Variants in MLPH observed in about 807,000 individuals in gnomAD.
The protein encoded by MLPH is melanophilin.
A neutral mutation model predicts 72.1 loss-of-function variants in MLPH; 51 were observed. That is an observed-to-expected ratio of 0.71 (90% CI 0.56 to 0.89). The LOEUF (loss-of-function observed/expected upper bound fraction) is 0.89, where lower values mean the gene tolerates loss of function less well. MLPH is among the 40% of genes least tolerant of loss of function. The pLI is 0.00. For missense variants in MLPH, 743 were observed against 759.9 expected (o/e 0.98, Z 0.26); for synonymous variants, 301 against 310.1 (o/e 0.97, Z 0.31).
chr2:237,548,224 G>A (rs1413448571), intron 13 of MLPH, among the ~76,000 whole-genome samples: 1 of 152,212 alleles, frequency 6.6e-6, no homozygotes, highest in African/African-American at 2.4e-5. Flanking sequence ...TGGTGGGGGC[G>A]CTTCCACCTT....
chr2:237,539,296 C>G (rs1219333701), intron 9 of MLPH, among the ~76,000 whole-genome samples: 1 of 152,110 alleles, frequency 6.6e-6, no homozygotes. Flanking sequence ...GAAGGTGGTG[C>G]AAGGCAGACC....
intron 5 of MLPH, among the ~76,000 whole-genome samples, chr2:237,518,928 G>A (rs1489674321): frequency 6.6e-6 from 1 of 152,168 alleles, no homozygotes; most frequent in Non-Finnish European, 1.5e-5. Context: ...GGGGGCACAC[G>A]GGTGTAGTGA....
intron 4 of MLPH, among the ~76,000 whole-genome samples, chr2:237,516,040 A>G (rs1252681462): frequency 2.0e-5 from 3 of 152,196 alleles, no homozygotes; most frequent in Non-Finnish European, 4.4e-5. Context: ...TGCAGTTGAC[A>G]ATGCACACTC....
chr2:237,542,606 G>A lies in MLPH; in HGVS notation c.1486G>A (p.Ala496Thr), dbSNP rs368855517. 25 of 1,602,762 alleles carry A rather than the reference G, an allele frequency of 1.6e-5. No individual in the cohort carries two copies. Among genetic ancestry groups the A allele is most frequent in the South Asian group, 3.4e-5 (3 of 88,984 alleles). Residue 496 changes from alanine (A) to threonine (T), a missense_variant, in exon 12 of 16, where the codon GCA becomes ACA. Ala to Thr is a moderately conservative substitution (Grantham distance 58, BLOSUM62 0). Coordinates refer to ENST00000264605, the MANE Select transcript of MLPH (RefSeq NM_024101.7). ...IESRIAALRAAGLTVKPSGKP... is the reference protein window; with the variant it reads ...IESRIAALRATGLTVKPSGKP... Reference sequence around the variant, plus strand: ...ATCCAGGATTGCAGCCCTGAGGGCCGCAGGGCTCACGGTGAAGCCCTCGGG... The same window carrying A: ...ATCCAGGATTGCAGCCCTGAGGGCCACAGGGCTCACGGTGAAGCCCTCGGG...
intron 8 of MLPH, among the ~76,000 whole-genome samples, chr2:237,529,255 CT>C (rs1170082831): frequency 6.6e-6 from 1 of 152,144 alleles, no homozygotes; most frequent in Non-Finnish European, 1.5e-5. Context: ...GCTGACCAGT[CT>C]GGTCTTGAAC....
At chr2:237,503,541 T>C (rs1407865214) in intron 2 of MLPH, among the ~76,000 whole-genome samples, 1 of 152,154 alleles carries the variant, frequency 6.6e-6, no homozygotes, top group Non-Finnish European at 1.5e-5. Context: ...TGCCAGCCGT[T>C]AGCCCTGACG....
chr2:237,553,409 A>G (rs1006136946), intron 15 of MLPH, among the ~76,000 whole-genome samples, 157 bp from the exon 16 acceptor site: 1 of 152,206 alleles, frequency 6.6e-6, no homozygotes, highest in Non-Finnish European at 1.5e-5. Flanking sequence ...CTTGCCTCAC[A>G]TGCATGTGTG....
chr2:237,541,975 G>T lies in MLPH; in HGVS notation c.1447-592G>T, dbSNP rs1251449953. ...GCAGCCCGTGCCAAGGCCCTGGGGTGGCAGTGGGCTTGGTGCCTGCAGGGA... is the reference window on the plus strand; with the variant it reads ...GCAGCCCGTGCCAAGGCCCTGGGGTTGCAGTGGGCTTGGTGCCTGCAGGGA... On this transcript the variant is annotated intron_variant, in intron 11 of 15. Transcript: ENST00000264605. This position sits in a 1 kb window ranked among gnomAD's most constrained non-coding sequence, Gnocchi z 5.1. 1.3e-5 allele frequency among the ~76,000 whole-genome samples: 2 copies of T among 152,208 alleles called. No individual in the cohort carries two copies. Among genetic ancestry groups the T allele is most frequent in the African/African-American group, 4.8e-5 (2 of 41,454 alleles).
At chr2:237,515,255 C>T (rs1192447479) in intron 4 of MLPH, among the ~76,000 whole-genome samples, 3 of 152,198 alleles carry the variant, frequency 2.0e-5, no homozygotes, top group Non-Finnish European at 4.4e-5. Flanking sequence ...AGGTCTCCAT[C>T]TCGCAGGAGG....
At chr2:237,517,088 G>A (rs1396411183) in intron 4 of MLPH, among the ~76,000 whole-genome samples, 1 of 151,664 alleles carries the variant, frequency 6.6e-6, no homozygotes, top group Non-Finnish European at 1.5e-5. Flanking sequence ...TGGATGGGTG[G>A]ATAGATGGAT....
chr2:237,518,466 G>A lies in MLPH; in HGVS notation c.446-73G>A, dbSNP rs775395584. 11 of 1,230,736 alleles carry A rather than the reference G, an allele frequency of 8.9e-6. No homozygotes were observed. The East Asian group carries it at 2.5e-4, about 28-fold the overall frequency. The allele number at this position is 1,230,736 out of a possible 1,614,324, so 76.2% of individuals were successfully genotyped here. ...GATGGATAGATTAGTGGATGGATGG[G>A]TGGATGGGCTGACAAATGGCTTGTT... On this transcript the variant is annotated intron_variant, in intron 4 of 15. Coordinates refer to ENST00000264605, the MANE Select transcript of MLPH (RefSeq NM_024101.7).
chr2:237,550,460 C>T (rs1262417187), intron 14 of MLPH, among the ~76,000 whole-genome samples: 1 of 152,214 alleles, frequency 6.6e-6, no homozygotes, highest in Non-Finnish European at 1.5e-5. Flanking sequence ...CACTAAGGAG[C>T]TGCCAGCAGG....
chr2:237,548,231 C>T (rs1388433542), intron 13 of MLPH, among the ~76,000 whole-genome samples: 1 of 152,222 alleles, frequency 6.6e-6, no homozygotes, highest in Non-Finnish European at 1.5e-5. Flanking sequence ...GGCGCTTCCA[C>T]CTTTGTCCCT....
intron 12 of MLPH, among the ~76,000 whole-genome samples, chr2:237,542,988 G>A (rs1474844488): frequency 1.4e-4 from 7 of 50,316 alleles, no homozygotes; most frequent in African/African-American, 8.0e-4. Flanking sequence ...ACAGTGGTGA[G>A]TGGGGGCACA....
chr2:237,527,366 T>G lies in MLPH; in HGVS notation c.881-11T>G, dbSNP rs2080326358. The G allele has an allele frequency of 6.2e-7, 1 of 1,614,188 alleles. No individual in the cohort carries two copies. The highest frequency in any genetic ancestry group is 1.7e-5 in the Admixed American group (1 of 60,024). ...CACTGCAAGTAATTCAAACCCACTCTCGCTCTGAAGGGTCGAATGTCATCA... is the reference window on the plus strand; with the variant it reads ...CACTGCAAGTAATTCAAACCCACTCGCGCTCTGAAGGGTCGAATGTCATCA... On this transcript the variant is annotated splice_polypyrimidine_tract_variant and intron_variant, in intron 7 of 15. Transcript: ENST00000264605.
At chr2:237,546,376 C>T in intron 12 of MLPH, 1 of 568,828 alleles carries the variant, frequency 1.8e-6, no homozygotes, top group Non-Finnish European at 3.1e-6. Context: ...GTTTTCTTTT[C>T]ACAATCTGAA....
intron 2 of MLPH, among the ~76,000 whole-genome samples, chr2:237,504,517 C>G (rs1306499405): frequency 6.6e-6 from 1 of 152,206 alleles, no homozygotes; most frequent in Admixed American, 6.5e-5. Context: ...CGCAACTGAC[C>G]AGCATTTGCA....
intron 4 of MLPH, among the ~76,000 whole-genome samples, chr2:237,514,238 G>C (rs578098593): frequency 2.0e-5 from 3 of 152,010 alleles, no homozygotes; most frequent in Admixed American, 2.0e-4. Context: ...AGTCAAACAA[G>C]GAAGGTCAGA....
chr2:237,552,902 A>G (rs570818889), intron 15 of MLPH, among the ~76,000 whole-genome samples: 1 of 152,324 alleles, frequency 6.6e-6, no homozygotes, highest in Non-Finnish European at 1.5e-5. Context: ...GTGCACACCC[A>G]TGTGTATGTA....
Sources: gnomAD v4.1 joint callset for allele counts (sites outside exome capture counted in the v4.1 genomes callset) on GRCh38, gnomAD v4.1.1 for gene constraint, Gnocchi (gnomAD v3.1) non-coding constraint, MANE v1.5 for transcripts, NCBI Gene and HGNC (gene_info 2026-07-23, HGNC 2026-07-21) for gene names.